CSMD1: variants seen among roughly 807,000 people sequenced by gnomAD.
CSMD1 encodes the protein CUB and Sushi multiple domains 1.
A neutral mutation model predicts 417.5 loss-of-function variants in CSMD1; 213 were observed. The ratio of observed to expected loss-of-function variants is 0.51; its 90% CI spans 0.46 to 0.57. CSMD1 has a LOEUF of 0.57. Among genes scored for constraint, CSMD1 ranks in the 20% least tolerant of loss-of-function variants. The pLI is 0.00. For missense variants in CSMD1, 6,923 were observed against 4,529.7 expected (o/e 1.53, Z -15.17); for synonymous variants, 2,862 against 1,736.8 (o/e 1.65, Z -16.11).
At chr8:4,496,877 C>T (rs2130253526) in intron 2 of CSMD1, among the ~76,000 whole-genome samples, 1 of 152,232 alleles carries the variant, frequency 6.6e-6, no homozygotes, top group Non-Finnish European at 1.5e-5. Flanking sequence ...ACAGATCTTT[C>T]CCAGGCTTTC....
chr8:2,976,831 G>C (rs553503434), intron 55 of CSMD1, among the ~76,000 whole-genome samples: 2 of 151,380 alleles, frequency 1.3e-5, no homozygotes, highest in South Asian at 2.1e-4. Flanking sequence ...TTTTTTTCAA[G>C]TCAAAGAAAA....
intron 5 of CSMD1, among the ~76,000 whole-genome samples, chr8:3,903,484 A>C (rs917436682): frequency 6.6e-6 from 1 of 152,240 alleles, no homozygotes; most frequent in African/African-American, 2.4e-5. Flanking sequence ...AAGTGGTATT[A>C]TCGACAGCAG....
intron 1 of CSMD1, among the ~76,000 whole-genome samples, chr8:4,744,702 T>C (rs1387504974): frequency 6.6e-6 from 1 of 152,188 alleles, no homozygotes; most frequent in African/African-American, 2.4e-5. Context: ...TACATAATGC[T>C]TTTCTCAGGT....
intron 26 of CSMD1, among the ~76,000 whole-genome samples, chr8:3,268,002 C>T (rs1801556243): frequency 6.6e-6 from 1 of 152,104 alleles, no homozygotes; most frequent in South Asian, 2.1e-4. Flanking sequence ...TGTGTGGGCT[C>T]AGTTGCCTCT....
intron 3 of CSMD1, among the ~76,000 whole-genome samples, chr8:4,305,605 A>G (rs988440763): frequency 2.0e-5 from 3 of 152,228 alleles, no homozygotes; most frequent in Admixed American, 6.5e-5. Context: ...CTTTCAATAC[A>G]GAATCCACGT....
At chr8:4,139,909 T>G (rs192555835) in intron 3 of CSMD1, among the ~76,000 whole-genome samples, 1 of 151,000 alleles carries the variant, frequency 6.6e-6, no homozygotes, top group East Asian at 1.9e-4. Flanking sequence ...GGAGGACACC[T>G]CATCTTCAGA....
intron 26 of CSMD1, among the ~76,000 whole-genome samples, chr8:3,241,316 T>C (rs1291928044): frequency 2.6e-5 from 4 of 151,462 alleles, no homozygotes; most frequent in Admixed American, 6.6e-5. Context: ...ACAACAGTTA[T>C]GGAGGCAAGG....
intron 3 of CSMD1, among the ~76,000 whole-genome samples, chr8:4,148,063 G>C (rs1339172350): frequency 6.6e-6 from 1 of 152,080 alleles, no homozygotes; most frequent in Non-Finnish European, 1.5e-5. Flanking sequence ...AAATATACAA[G>C]CAGGAGGAAG....
chr8:4,089,462 G>A (rs1453239943), intron 3 of CSMD1, among the ~76,000 whole-genome samples: 1 of 152,000 alleles, frequency 6.6e-6, no homozygotes. Context: ...GTCCTTCATA[G>A]TTTTCAAAAA....
chr8:2,965,732 C>T (rs1411011090), intron 59 of CSMD1, 43 bp downstream of exon 59: 1 of 1,532,228 alleles, frequency 6.5e-7, no homozygotes, highest in East Asian at 2.4e-5. Flanking sequence ...TCAATAAAGA[C>T]TTCTATACAC....
At chr8:3,339,392 A>G (rs1189200617) in intron 23 of CSMD1, among the ~76,000 whole-genome samples, 1 of 152,094 alleles carries the variant, frequency 6.6e-6, no homozygotes, top group Non-Finnish European at 1.5e-5. Flanking sequence ...AGCCAAGGGT[A>G]GGGGGGTTGC....
chr8:4,620,499 G>C (rs1247250394), intron 2 of CSMD1, among the ~76,000 whole-genome samples: 1 of 151,488 alleles, frequency 6.6e-6, no homozygotes, highest in Admixed American at 6.6e-5. Context: ...GTTACCCCAA[G>C]ATGATAAAAG....
chr8:4,953,338 A>G (rs1479702958), intron 1 of CSMD1, among the ~76,000 whole-genome samples: 2 of 152,166 alleles, frequency 1.3e-5, no homozygotes, highest in Non-Finnish European at 2.9e-5. Context: ...GTAACTTTTC[A>G]TTAACAGATA....
At chr8:3,535,177 C>G (rs778899099) in intron 10 of CSMD1, among the ~76,000 whole-genome samples, 25 of 151,826 alleles carry the variant, frequency 1.6e-4, no homozygotes, top group Admixed American at 3.9e-4. Context: ...TGGTCTCAAA[C>G]TCCTGGCCTG....
chr8:3,408,117 G>A lies in CSMD1; in HGVS notation c.1853C>T (p.Pro618Leu), dbSNP rs1585118583. The change falls in exon 14 of 70, where the codon CCA (proline) becomes CTA (leucine). Residue 618 changes from proline to leucine, a missense_variant. Coordinates refer to ENST00000635120, the MANE Select transcript of CSMD1 (RefSeq NM_033225.6). ...MNCVWLIISE[P>L]GSRIHLIFND... ...AAAGATTAGGTGAATTCGACTTCCT[G>A]GCTCCGAGATAATCAACCAGACACA... is the stretch of plus-strand genomic sequence containing the variant. 1 of 1,613,776 alleles carries A rather than the reference G, an allele frequency of 6.2e-7. No individual in the cohort carries two copies. Among genetic ancestry groups the A allele is most frequent in the Non-Finnish European group, 8.5e-7 (1 of 1,179,820 alleles).
intron 3 of CSMD1, among the ~76,000 whole-genome samples, chr8:4,062,285 C>G (rs1017107742): frequency 2.0e-5 from 3 of 151,996 alleles, no homozygotes; most frequent in Non-Finnish European, 2.9e-5. Flanking sequence ...CCAAAGTTGG[C>G]AGAATAGAGC....
rs1459056490 is a variant in CSMD1 at position 4,475,609 on chromosome 8, TTTTC to T, written c.303-55548_303-55545del. Among the ~76,000 whole-genome samples the T allele has an allele frequency of 4.6e-5, 7 of 152,110 alleles. No individual in the cohort carries two copies. The East Asian group carries it at 9.7e-4, about 21-fold the overall frequency. Reference sequence around the variant, plus strand: ...GTTCTTTTCTTAGGGTTTTTTTTCTTTTTCTTTTTCTTTTTTCTTTTCTTCGAGA... The same window carrying T: ...GTTCTTTTCTTAGGGTTTTTTTTCTTTTTTTCTTTTTTCTTTTCTTCGAGA... On this transcript the variant is annotated intron_variant, in intron 2 of 69. Transcript: ENST00000635120.
At chr8:4,328,156 C>T (rs930268844) in intron 3 of CSMD1, among the ~76,000 whole-genome samples, 4 of 151,984 alleles carry the variant, frequency 2.6e-5, no homozygotes, top group Non-Finnish European at 4.4e-5. Flanking sequence ...ATGTTAAATG[C>T]CTCATTCGAG....
intron 5 of CSMD1, among the ~76,000 whole-genome samples, chr8:3,844,327 T>C (rs1217573511): frequency 6.6e-6 from 1 of 152,114 alleles, no homozygotes; most frequent in Non-Finnish European, 1.5e-5. Context: ...CAATTTCAAG[T>C]CAATGACAAT....
Sources: allele counts gnomAD v4.1 joint callset (sites outside exome capture counted in the v4.1 genomes callset), GRCh38; gene constraint gnomAD v4.1.1; transcripts MANE v1.5; gene names NCBI Gene and HGNC (gene_info 2026-07-23, HGNC 2026-07-21).